The following NPNT variants were observed in gnomAD, a reference collection of about 807,000 sequenced individuals.
NPNT encodes the protein nephronectin.
A neutral mutation model predicts 68.6 loss-of-function variants in NPNT; 45 were observed. The ratio of observed to expected loss-of-function variants is 0.66; its 90% CI spans 0.52 to 0.84. The LOEUF (loss-of-function observed/expected upper bound fraction) is 0.84. Among genes scored for constraint, NPNT ranks in the 40% least tolerant of loss-of-function variants. NPNT has a pLI of 0.00. For missense variants in NPNT, 672 were observed against 714.8 expected (o/e 0.94, Z 0.68); for synonymous variants, 233 against 253.3 (o/e 0.92, Z 0.76).
intron 7 of NPNT, among the ~76,000 whole-genome samples, chr4:105,941,627 C>G (rs188502930): frequency 6.6e-6 from 1 of 152,234 alleles, no homozygotes; most frequent in East Asian, 1.9e-4. Flanking sequence ...ATGTATCATT[C>G]AGGCAGATTA....
intron 8 of NPNT, 57 bp downstream of exon 8, chr4:105,942,759 C>G: frequency 6.7e-7 from 1 of 1,482,606 alleles, no homozygotes; most frequent in Non-Finnish European, 9.1e-7. Context: ...GACTTTTCAA[C>G]CACAGGCCAT....
intron 2 of NPNT, among the ~76,000 whole-genome samples, chr4:105,923,311 TAA>T (rs1728401566): frequency 6.7e-6 from 1 of 149,870 alleles, no homozygotes; most frequent in Non-Finnish European, 1.5e-5. Context: ...GATGTAGAAA[TAA>T]AGTTTTTTTT....
chr4:105,961,446 G>A (rs1470868574), intron 10 of NPNT, among the ~76,000 whole-genome samples: 4 of 152,176 alleles, frequency 2.6e-5, no homozygotes, highest in Admixed American at 6.6e-5. Flanking sequence ...ACTGGGGAGA[G>A]TAATTCATGC....
rs1040593360 is a variant in NPNT, at chr4:105,937,215, C to T, written c.385+87C>T. ...AGCTTGCTTTTGTGAAAATGGCCTC[C>T]GGGGTTCTCCTAAACAAGATGTGTG... On this transcript the variant is annotated intron_variant, in intron 4 of 11. Transcript: ENST00000379987. 31 of 1,358,394 alleles carry T rather than the reference C, an allele frequency of 2.3e-5. 1 individual carries two copies. The highest frequency in any genetic ancestry group is 2.1e-4 in the South Asian group (16 of 77,350). 84.1% of individuals were successfully genotyped at this position (1,358,394 alleles called of 1,614,324 possible).
At chr4:105,898,976 G>A (rs1726184525) in intron 2 of NPNT, among the ~76,000 whole-genome samples, 2 of 152,254 alleles carry the variant, frequency 1.3e-5, no homozygotes, top group South Asian at 2.1e-4. Context: ...ATGAGGAGGA[G>A]GCTTAGAGGA....
intron 2 of NPNT, among the ~76,000 whole-genome samples, chr4:105,898,732 T>C (rs6852099): frequency 0.35 from 52,796 of 152,024 alleles, 9,606 homozygotes; most frequent in Middle Eastern, 0.43. Context: ...GATATTTTAA[T>C]GGTAAAATTT....
intron 2 of NPNT, among the ~76,000 whole-genome samples, chr4:105,903,704 A>C (rs1269894094): frequency 1.3e-5 from 2 of 151,968 alleles, no homozygotes; most frequent in East Asian, 3.9e-4. Context: ...AAATGAAAGC[A>C]TACTATATAC....
chr4:105,949,594 C>G (rs146563581), intron 8 of NPNT, among the ~76,000 whole-genome samples: 1 of 152,178 alleles, frequency 6.6e-6, no homozygotes, highest in East Asian at 1.9e-4. Flanking sequence ...TCTGGTGTCA[C>G]AGGGGTAGGA....
intron 3 of NPNT, among the ~76,000 whole-genome samples, chr4:105,935,086 C>T (rs1022244996): frequency 1.3e-5 from 2 of 152,096 alleles, no homozygotes; most frequent in African/African-American, 2.4e-5. Context: ...CTGTAAACAC[C>T]GAATCCATTC....
intron 11 of NPNT, among the ~76,000 whole-genome samples, chr4:105,968,114 G>T (rs1732316794): frequency 6.6e-6 from 1 of 152,142 alleles, no homozygotes; most frequent in Non-Finnish European, 1.5e-5. Context: ...CATTTTGCTG[G>T]TGCTTATGAA....
Position 105,969,499 on chromosome 4 carries a change from G to A in NPNT, c.*509G>A, listed in dbSNP as rs553340113. On this transcript the variant is annotated 3_prime_UTR_variant, in exon 12 of 12. Transcript: ENST00000379987. Reference sequence around the variant, plus strand: ...TTAGTTCTGGCCTGACCTGAACTCTGACTTTTACTGCCATTCACTTTATAA... The same window carrying A: ...TTAGTTCTGGCCTGACCTGAACTCTAACTTTTACTGCCATTCACTTTATAA... 4 of 152,352 alleles carry A rather than the reference G, an allele frequency of 2.6e-5. No homozygotes were observed. Among genetic ancestry groups the A allele is most frequent in the Admixed American group, 2.6e-4 (4 of 15,310 alleles). The allele number at this position is 152,352 out of a possible 1,614,324, so 9.4% of individuals were successfully genotyped here.
chr4:105,939,688 G>C (rs575260604), intron 5 of NPNT, among the ~76,000 whole-genome samples: 1 of 152,238 alleles, frequency 6.6e-6, no homozygotes, highest in South Asian at 2.1e-4. Flanking sequence ...ATAGGGTAGT[G>C]GTGGTGGATT....
At chr4:105,898,641 G>T (rs148950247) in intron 2 of NPNT, among the ~76,000 whole-genome samples, 2 of 152,088 alleles carry the variant, frequency 1.3e-5, no homozygotes. Context: ...AACATTATTT[G>T]TAAGTTCTAT....
intron 2 of NPNT, among the ~76,000 whole-genome samples, chr4:105,908,382 A>G (rs1727087062): frequency 6.6e-6 from 1 of 152,166 alleles, no homozygotes; most frequent in Non-Finnish European, 1.5e-5. Context: ...TTACTTTGCT[A>G]TAACATCATC....
intron 2 of NPNT, among the ~76,000 whole-genome samples, chr4:105,899,962 A>G (rs1279471190): frequency 6.6e-6 from 1 of 152,238 alleles, no homozygotes; most frequent in Non-Finnish European, 1.5e-5. Context: ...TGAATGAAAT[A>G]TCTCTGAAAA....
intron 3 of NPNT, among the ~76,000 whole-genome samples, chr4:105,936,671 G>A (rs1166842353): frequency 6.6e-6 from 1 of 152,206 alleles, no homozygotes; most frequent in African/African-American, 2.4e-5. Context: ...GAGAATATTG[G>A]CAAACAGTTG....
Position 105,909,367 on chromosome 4 carries a change from A to G in NPNT, c.172+11366A>G, listed in dbSNP as rs1456329600. 5.9e-5 allele frequency among the ~76,000 whole-genome samples: 9 copies of G among 152,172 alleles called. No individual in the cohort carries two copies. The South Asian group carries it at 1.4e-3, about 24-fold the overall frequency. On this transcript the variant is annotated intron_variant, in intron 2 of 11. Coordinates refer to ENST00000379987, the MANE Select transcript of NPNT (RefSeq NM_001033047.3). Reference sequence around the variant, plus strand: ...AAAGATTGTGTCTTGGTGTCTATGTATGGCCAAGAATTAAGACATTCTGAT... The same window carrying G: ...AAAGATTGTGTCTTGGTGTCTATGTGTGGCCAAGAATTAAGACATTCTGAT...
At chr4:105,938,227 T>G (rs1268471393) in intron 4 of NPNT, 74 bp from the exon 5 acceptor site, 2 of 1,482,138 alleles carry the variant, frequency 1.3e-6, no homozygotes, top group African/African-American at 2.8e-5. Flanking sequence ...TCAGGACAAG[T>G]GAAAAAACAT....
chr4:105,930,164 A>T (rs1439853617), intron 3 of NPNT, among the ~76,000 whole-genome samples: 1 of 152,166 alleles, frequency 6.6e-6, no homozygotes, highest in Non-Finnish European at 1.5e-5. Flanking sequence ...CAGGTTCCTG[A>T]TGGCAAGGTT....
Sources: gnomAD v4.1 joint callset for allele counts (sites outside exome capture counted in the v4.1 genomes callset) on GRCh38, gnomAD v4.1.1 for gene constraint, MANE v1.5 for transcripts, NCBI Gene and HGNC (gene_info 2026-07-23, HGNC 2026-07-21) for gene names.